CLCN6: variants seen among roughly 807,000 people sequenced by gnomAD.
CLCN6 encodes the protein Cl-/H+ antiporter 6.
In CLCN6, 70 loss-of-function variants were observed where a neutral mutation model predicts 109.8. The observed-to-expected ratio is 0.64, with a 90% CI of 0.53 to 0.78. CLCN6 has a LOEUF of 0.78. Among genes scored for constraint, CLCN6 ranks in the 30% least tolerant of loss-of-function variants. The pLI, the probability that CLCN6 is intolerant of heterozygous loss-of-function variation, is 0.00. For synonymous variants in CLCN6, 444 were observed against 447.8 expected (o/e 0.99, Z 0.11); for missense variants, 984 against 1,142.3 (o/e 0.86, Z 2.00).
At chr1:11,823,948 G>C (rs1172280493) in intron 7 of CLCN6, 115 bp downstream of exon 7, 1 of 1,359,556 alleles carries the variant, frequency 7.4e-7, no homozygotes, top group Non-Finnish European at 1.0e-6. Flanking sequence ...AACAGCTGAT[G>C]TCTGCACTTT....
chr1:11,810,392 G>A (rs1191171605), intron 2 of CLCN6, among the ~76,000 whole-genome samples: 2 of 152,124 alleles, frequency 1.3e-5, no homozygotes, highest in Admixed American at 1.3e-4. Context: ...TTAGAAAGAG[G>A]CACACTCAGA....
chr1:11,831,978 C>G (rs1450057261), intron 13 of CLCN6, among the ~76,000 whole-genome samples: 4 of 152,206 alleles, frequency 2.6e-5, no homozygotes, highest in African/African-American at 7.2e-5. Flanking sequence ...AAATACGTTC[C>G]TTTAGTACAG....
chr1:11,822,337 C>T (rs1016644192), intron 5 of CLCN6, among the ~76,000 whole-genome samples: 3 of 152,194 alleles, frequency 2.0e-5, no homozygotes, highest in African/African-American at 7.2e-5. Context: ...CAGCTCACTG[C>T]AGCCTCAGCC....
rs772935956 is a variant in CLCN6 at position 11,824,487 on chromosome 1, G to T, written c.582G>T (p.Gly194=). 58 of 1,613,376 alleles carry T rather than the reference G, an allele frequency of 3.6e-5. No individual in the cohort carries two copies. Among genetic ancestry groups the T allele is most frequent in the Non-Finnish European group, 4.8e-5 (57 of 1,179,628 alleles). ...VLGVLFSVAG[G]LFVEKEGPMI... ...TCTTTCCTTTTTCACCCTGCCCAGG[G>T]CTCTTCGTGGAGAAGGAAGGCCCCA... Residue 194 remains glycine, a splice_region_variant and synonymous_variant, in exon 8 of 23, where the codon GGG becomes GGT. Coordinates refer to ENST00000346436, the MANE Select transcript of CLCN6 (RefSeq NM_001286.5).
chr1:11,825,534 A>G (rs1324733727), intron 8 of CLCN6, among the ~76,000 whole-genome samples: 1 of 152,234 alleles, frequency 6.6e-6, no homozygotes, highest in East Asian at 1.9e-4. Context: ...CTCTGCACAA[A>G]ATGGGATTTC....
At chr1:11,815,491 G>A (rs1644657991) in intron 2 of CLCN6, among the ~76,000 whole-genome samples, 1 of 152,166 alleles carries the variant, frequency 6.6e-6, no homozygotes, top group South Asian at 2.1e-4. Context: ...CACCTCCCAG[G>A]TTCCAGTGAT....
intron 9 of CLCN6, 74 bp from the exon 10 acceptor site, chr1:11,827,015 A>C (rs1016002521): frequency 8.3e-6 from 13 of 1,568,480 alleles, no homozygotes; most frequent in Non-Finnish European, 1.1e-5. Flanking sequence ...AATGTTCATG[A>C]TAAGGAAGTC....
intron 4 of CLCN6, 107 bp downstream of exon 4, chr1:11,816,787 T>C: frequency 1.4e-6 from 1 of 729,876 alleles, no homozygotes; most frequent in Non-Finnish European, 2.2e-6. Context: ...ATAACATTTA[T>C]AACATTATAA....
chr1:11,827,092 CAA>C lies in CLCN6; in HGVS notation c.712_713del (p.Lys238GlufsTer80), dbSNP rs771131511. The C allele has an allele frequency of 2.5e-6, 4 of 1,613,758 alleles. No homozygotes were observed. The highest frequency in any genetic ancestry group is 1.1e-5 in the South Asian group (1 of 91,022). On this transcript the variant is annotated frameshift_variant, in exon 10 of 23. Coordinates refer to ENST00000346436, the MANE Select transcript of CLCN6 (RefSeq NM_001286.5). LOFTEE classifies it high-confidence loss of function. ...CCCGTCTCTCTCCTCTCCTCAGAGA[CAA>C]GAGAGACTTTGTATCAGCAGGAGCG... ...NFPYFRSDRD[K>X]RDFVSAGAAA...
intron 5 of CLCN6, chr1:11,820,349 T>C (rs956805129): frequency 2.8e-6 from 2 of 715,462 alleles, no homozygotes; most frequent in Non-Finnish European, 5.2e-6. Flanking sequence ...TCCTATTTCA[T>C]ACTATAAATA....
intron 13 of CLCN6, among the ~76,000 whole-genome samples, chr1:11,830,740 T>TA (rs1644869312): frequency 1.2e-4 from 13 of 110,200 alleles, no homozygotes; most frequent in African/African-American, 5.4e-4. Context: ...GTATATATTA[T>TA]ATATATATAT....
At chr1:11,814,249 T>C (rs1193223819) in intron 2 of CLCN6, among the ~76,000 whole-genome samples, 1 of 144,810 alleles carries the variant, frequency 6.9e-6, no homozygotes, top group Non-Finnish European at 1.5e-5. Flanking sequence ...TGCTGCGTCT[T>C]TTTTTTTTTT....
chr1:11,832,032 G>A (rs1463003343), intron 13 of CLCN6, among the ~76,000 whole-genome samples: 1 of 152,180 alleles, frequency 6.6e-6, no homozygotes. Flanking sequence ...AATGTTTGGT[G>A]TCTTTATTGT....
chr1:11,829,005 C>T (rs560626807), intron 12 of CLCN6, among the ~76,000 whole-genome samples, 191 bp from the exon 13 acceptor site: 22 of 152,314 alleles, frequency 1.4e-4, no homozygotes, highest in African/African-American at 5.1e-4. Context: ...CTTTAACTGT[C>T]CACTTTTTAC....
chr1:11,815,673 G>T (rs1644660453), intron 2 of CLCN6, among the ~76,000 whole-genome samples, 173 bp from the exon 3 acceptor site: 1 of 152,226 alleles, frequency 6.6e-6, no homozygotes, highest in African/African-American at 2.4e-5. Context: ...GGGATTATAG[G>T]CATGAGCCAC....
chr1:11,818,573 G>A (rs1394716199), intron 4 of CLCN6, among the ~76,000 whole-genome samples: 1 of 152,206 alleles, frequency 6.6e-6, no homozygotes, highest in Admixed American at 6.5e-5. Context: ...GTCCATTGAT[G>A]TGTGGCCACT....
chr1:11,841,417 T>C lies in CLCN6; in HGVS notation c.*1194T>C, dbSNP rs1367893838. Reference sequence around the variant, plus strand: ...CACATGAAGCATGGGAAGCGCACCCTGTCGTTCAGTGACGTCATTCTTCTC... The same window carrying C: ...CACATGAAGCATGGGAAGCGCACCCCGTCGTTCAGTGACGTCATTCTTCTC... On this transcript the variant is annotated 3_prime_UTR_variant, in exon 23 of 23. Transcript: ENST00000346436. 1 of 152,360 alleles carries C rather than the reference T, an allele frequency of 6.6e-6. No individual in the cohort carries two copies. Among genetic ancestry groups the C allele is most frequent in the East Asian group, 1.9e-4 (1 of 5,196 alleles). 9.4% of individuals were successfully genotyped at this position (152,360 alleles called of 1,614,324 possible).
intron 17 of CLCN6, among the ~76,000 whole-genome samples, 194 bp from the exon 18 acceptor site, chr1:11,835,773 C>A (rs530558745): frequency 2.0e-5 from 3 of 152,268 alleles, no homozygotes; most frequent in Admixed American, 2.0e-4. Flanking sequence ...GTACGACATT[C>A]CAGGTGCGGG....
intron 2 of CLCN6, among the ~76,000 whole-genome samples, chr1:11,814,859 C>T (rs1644649026): frequency 6.6e-6 from 1 of 151,910 alleles, no homozygotes; most frequent in East Asian, 2.0e-4. Context: ...GGTGAAATCC[C>T]GTCTCTACTA....
Sources: allele counts gnomAD v4.1 joint callset (sites outside exome capture counted in the v4.1 genomes callset), GRCh38; gene constraint gnomAD v4.1.1; transcripts MANE v1.5; gene names NCBI Gene and HGNC (gene_info 2026-07-23, HGNC 2026-07-21).